The following DOK6 variants were observed in gnomAD, a reference collection of about 807,000 sequenced individuals.
DOK6 encodes docking protein 6, also known as downstream of tyrosine kinase 6.
A neutral mutation model predicts 44.0 loss-of-function variants in DOK6; 22 were observed. That is an observed-to-expected ratio of 0.50 (90% CI 0.36 to 0.71). The LOEUF (loss-of-function observed/expected upper bound fraction) is 0.71, where lower values mean the gene tolerates loss of function less well. Ranked by LOEUF, DOK6 falls within the 30% of genes least tolerant of loss-of-function variation. The pLI is 0.00. For synonymous variants in DOK6, 166 were observed against 145.5 expected (o/e 1.14, Z -1.01); for missense variants, 340 against 416.4 (o/e 0.82, Z 1.60).
intron 7 of DOK6, among the ~76,000 whole-genome samples, chr18:69,785,359 C>T (rs72951538): frequency 0.013 from 2,000 of 152,262 alleles, 19 homozygotes; most frequent in Admixed American, 0.02. Flanking sequence ...AAATTCTGTT[C>T]GTCCTGTTTT....
In DOK6 at chr18:69,536,887, G is replaced by A. The variant is rs181254572; in HGVS notation, c.67-27600G>A. ...GCTGGTTAGTGACTGAAAGAACAAG[G>A]GCTCAATTGAATATTTTCTTGAATT... On this transcript the variant is annotated intron_variant, in intron 1 of 7. Coordinates refer to ENST00000382713, the MANE Select transcript of DOK6 (RefSeq NM_152721.6). 8.6e-5 allele frequency among the ~76,000 whole-genome samples: 13 copies of A among 151,418 alleles called. No homozygotes were observed. The East Asian group carries it at 2.5e-3, about 29-fold the overall frequency.
At chr18:69,670,882 CA>C (rs1952219728) in intron 3 of DOK6, among the ~76,000 whole-genome samples, 1 of 152,120 alleles carries the variant, frequency 6.6e-6, no homozygotes, top group Non-Finnish European at 1.5e-5. Context: ...GAAATGCATT[CA>C]TTCTCAAGGT....
At chr18:69,657,786 A>G (rs1179210928) in intron 3 of DOK6, among the ~76,000 whole-genome samples, 3 of 152,212 alleles carry the variant, frequency 2.0e-5, no homozygotes, top group Admixed American at 6.5e-5. Flanking sequence ...CCTGTTTCAT[A>G]AATTCTGGAA....
chr18:69,589,140 T>C (rs1052808345), intron 2 of DOK6, among the ~76,000 whole-genome samples: 4 of 152,164 alleles, frequency 2.6e-5, no homozygotes, highest in African/African-American at 9.6e-5. Context: ...TATTGAAGCA[T>C]ATAATGTATG....
chr18:69,407,694 T>C (rs981034872), intron 1 of DOK6, among the ~76,000 whole-genome samples: 2 of 152,230 alleles, frequency 1.3e-5, no homozygotes, highest in Non-Finnish European at 2.9e-5. Flanking sequence ...GATATTTTGC[T>C]ATAAGCAAGA....
At chr18:69,513,927 G>A (rs571155091) in intron 1 of DOK6, among the ~76,000 whole-genome samples, 1 of 152,076 alleles carries the variant, frequency 6.6e-6, no homozygotes, top group South Asian at 2.1e-4. Context: ...TTAATAAAAT[G>A]TTAGGTATCT....
chr18:69,712,991 T>G (rs1986803141), intron 5 of DOK6, among the ~76,000 whole-genome samples: 1 of 152,214 alleles, frequency 6.6e-6, no homozygotes, highest in Non-Finnish European at 1.5e-5. Flanking sequence ...TACACGAGAC[T>G]GACCTTGAAA....
At chr18:69,508,245 T>C (rs2144553820) in intron 1 of DOK6, among the ~76,000 whole-genome samples, 1 of 152,312 alleles carries the variant, frequency 6.6e-6, no homozygotes, top group East Asian at 1.9e-4. Flanking sequence ...TTGTATGTTG[T>C]TGGTAATCTT....
chr18:69,411,862 T>C (rs1978307618), intron 1 of DOK6, among the ~76,000 whole-genome samples: 1 of 152,166 alleles, frequency 6.6e-6, no homozygotes, highest in East Asian at 1.9e-4. Flanking sequence ...TCTCAAAGTG[T>C]CTTTACGCTT....
At chr18:69,802,323 G>A (rs113987670) in intron 7 of DOK6, among the ~76,000 whole-genome samples, 7 of 152,100 alleles carry the variant, frequency 4.6e-5, no homozygotes, top group Admixed American at 6.5e-5. Context: ...ACATGCATTC[G>A]GTACGCTCCT....
chr18:69,696,588 A>G (rs10871652), intron 4 of DOK6, among the ~76,000 whole-genome samples: 114,658 of 152,122 alleles, frequency 0.75, 43,821 homozygotes, highest in East Asian at 0.96. Flanking sequence ...CACAACAGGT[A>G]CCACTGACAT....
At chr18:69,579,449 G>A (rs1983312492) in intron 2 of DOK6, among the ~76,000 whole-genome samples, 1 of 152,124 alleles carries the variant, frequency 6.6e-6, no homozygotes, top group Admixed American at 6.5e-5. Context: ...GTTTTCCTGG[G>A]TATAATGGAA....
At chr18:69,633,783 T>C (rs1984742635) in intron 3 of DOK6, among the ~76,000 whole-genome samples, 1 of 152,048 alleles carries the variant, frequency 6.6e-6, no homozygotes, top group South Asian at 2.1e-4. Context: ...GTGGAGACAA[T>C]AAGGAGTATA....
chr18:69,667,140 G>A (rs1985680928), intron 3 of DOK6, among the ~76,000 whole-genome samples: 1 of 152,064 alleles, frequency 6.6e-6, no homozygotes, highest in Admixed American at 6.5e-5. Context: ...TTCATCTCTA[G>A]AATCTCATAT....
intron 7 of DOK6, among the ~76,000 whole-genome samples, chr18:69,803,450 G>A (rs901136510): frequency 3.9e-5 from 6 of 152,046 alleles, no homozygotes; most frequent in Non-Finnish European, 8.8e-5. Flanking sequence ...CAAGAAAACT[G>A]TATAAAAATG....
intron 1 of DOK6, among the ~76,000 whole-genome samples, chr18:69,417,941 G>A (rs1210056105): frequency 6.6e-6 from 1 of 151,976 alleles, no homozygotes; most frequent in Non-Finnish European, 1.5e-5. Flanking sequence ...GGTTATTTAT[G>A]TATCCCGTTT....
intron 3 of DOK6, among the ~76,000 whole-genome samples, chr18:69,673,769 C>T (rs1985860798): frequency 6.6e-6 from 1 of 152,160 alleles, no homozygotes; most frequent in Non-Finnish European, 1.5e-5. Flanking sequence ...GTTATTTACT[C>T]AATTAAAAAT....
At chr18:69,427,040 A>G (rs547698362) in intron 1 of DOK6, among the ~76,000 whole-genome samples, 30 of 151,778 alleles carry the variant, frequency 2.0e-4, no homozygotes, top group Non-Finnish European at 4.3e-4. Flanking sequence ...GTTTCCCTCT[A>G]TGTGTCCATG....
chr18:69,530,267 A>G (rs1206847386), intron 1 of DOK6, among the ~76,000 whole-genome samples: 1 of 152,128 alleles, frequency 6.6e-6, no homozygotes, highest in Non-Finnish European at 1.5e-5. Flanking sequence ...TATTAACTAA[A>G]GGTTTGGTGG....
Sources: gnomAD v4.1 joint callset for allele counts (sites outside exome capture counted in the v4.1 genomes callset) on GRCh38, gnomAD v4.1.1 for gene constraint, MANE v1.5 for transcripts, NCBI Gene and HGNC (gene_info 2026-07-23, HGNC 2026-07-21) for gene names.